TRDN: variants seen among roughly 807,000 people sequenced by gnomAD.
TRDN encodes triadin.
In TRDN, 161 loss-of-function variants were observed where a neutral mutation model predicts 149.7. The ratio of observed to expected loss-of-function variants is 1.08; its 90% CI spans 0.95 to 1.23. The LOEUF is 1.23. Ranked by LOEUF, TRDN falls within the 50% of genes most tolerant of loss-of-function variation. The probability of loss-of-function intolerance (pLI) is 0.00; values close to 1 mark genes in which losing one functional copy is unlikely to be tolerated. For synonymous variants in TRDN, 294 were observed against 250.5 expected, an observed-to-expected ratio of 1.17 and a Z score of -1.64; for missense variants, 896 against 823.5, an observed-to-expected ratio of 1.09 and a Z score of -1.08.
intron 10 of TRDN, among the ~76,000 whole-genome samples, chr6:123,447,738 A>C (rs1583042888): frequency 6.6e-6 from 1 of 151,178 alleles, no homozygotes; most frequent in African/African-American, 2.4e-5. Flanking sequence ...TGGCCACTGC[A>C]CTCTAGTCTG....
At chr6:123,388,682 C>T in intron 13 of TRDN, 131 bp from the exon 14 acceptor site, 1 of 948,166 alleles carries the variant, frequency 1.1e-6, no homozygotes, top group Non-Finnish European at 1.6e-6. Flanking sequence ...TCATCCAAAT[C>T]TATGATAGGA....
intron 24 of TRDN, among the ~76,000 whole-genome samples, chr6:123,287,322 T>G (rs1376968016): frequency 6.6e-6 from 1 of 152,146 alleles, no homozygotes; most frequent in Non-Finnish European, 1.5e-5. Flanking sequence ...AAGGTCTATA[T>G]TTAGGCAGCA....
In TRDN at chr6:123,236,169, T is replaced by C. The variant is rs146810527; in HGVS notation, c.1976-12038A>G. 2.8e-4 allele frequency among the ~76,000 whole-genome samples: 43 copies of C among 152,252 alleles called. 1 individual carries two copies. Among genetic ancestry groups the C allele is most frequent in the African/African-American group, 9.9e-4 (41 of 41,564 alleles). On this transcript the variant is annotated intron_variant, in intron 38 of 40. Coordinates refer to ENST00000334268, the MANE Select transcript of TRDN (RefSeq NM_006073.4). ...TGTTTCAAATGCTTGCCAGCACTTG[T>C]TTTTGTTTTTCCATGTTTTAAAAAG...
In TRDN at chr6:123,624,507, T is replaced by C. The variant is rs1310999000; in HGVS notation, c.22+12247A>G. On this transcript the variant is annotated intron_variant, in intron 1 of 40. Coordinates refer to ENST00000334268, the MANE Select transcript of TRDN (RefSeq NM_006073.4). ...CTGCTGACTTATTGCCTTAATCTAG[T>C]CATTACTGCTACCCTAAGTACTTTC... Among the ~76,000 whole-genome samples, 9 of 152,160 alleles carry C rather than the reference T, an allele frequency of 5.9e-5. No homozygotes were observed. In the East Asian group the frequency reaches 1.5e-3, roughly 26 times the overall value.
chr6:123,418,914 A>G (rs1162082274), intron 12 of TRDN, among the ~76,000 whole-genome samples: 4 of 152,018 alleles, frequency 2.6e-5, no homozygotes, highest in African/African-American at 4.8e-5. Flanking sequence ...CATTTTTAAA[A>G]TACAGTTGTC....
chr6:123,350,910 A>G, intron 21 of TRDN: 1 of 984,866 alleles, frequency 1.0e-6, no homozygotes, highest in Non-Finnish European at 1.2e-6. Context: ...TCCTATCTCT[A>G]AGAACCATTT....
chr6:123,380,222 T>C (rs1258587859), intron 16 of TRDN, among the ~76,000 whole-genome samples: 3 of 152,226 alleles, frequency 2.0e-5, no homozygotes, highest in Non-Finnish European at 4.4e-5. Flanking sequence ...AAGGCATGTT[T>C]ATTTATTAAG....
At chr6:123,313,932 G>A (rs1173858589) in intron 24 of TRDN, among the ~76,000 whole-genome samples, 6 of 152,030 alleles carry the variant, frequency 3.9e-5, no homozygotes, top group Non-Finnish European at 7.4e-5. Context: ...CAGGACATAG[G>A]CACTGGCAAA....
At chr6:123,630,796 T>C (rs1214223191) in intron 1 of TRDN, among the ~76,000 whole-genome samples, 2 of 152,018 alleles carry the variant, frequency 1.3e-5, no homozygotes, top group Non-Finnish European at 2.9e-5. Context: ...TTTTGTATCA[T>C]GGATGATTTG....
chr6:123,394,391 G>T (rs775674375), intron 12 of TRDN, among the ~76,000 whole-genome samples: 2 of 151,540 alleles, frequency 1.3e-5, no homozygotes, highest in African/African-American at 4.9e-5. Context: ...AAAAAATAAC[G>T]GCTCACTTCA....
At chr6:123,243,521 T>C (rs527850217) in intron 38 of TRDN, among the ~76,000 whole-genome samples, 1 of 152,046 alleles carries the variant, frequency 6.6e-6, no homozygotes, top group South Asian at 2.1e-4. Flanking sequence ...TGAAAAACAA[T>C]ACAGAGAAGT....
chr6:123,361,277 A>C (rs1260343222), intron 20 of TRDN, among the ~76,000 whole-genome samples: 1 of 152,060 alleles, frequency 6.6e-6, no homozygotes, highest in Non-Finnish European at 1.5e-5. Context: ...GCAAACTAAC[A>C]CAAGAACAGA....
At chr6:123,276,415 A>G (rs1777368322) in intron 26 of TRDN, among the ~76,000 whole-genome samples, 1 of 152,186 alleles carries the variant, frequency 6.6e-6, no homozygotes, top group Non-Finnish European at 1.5e-5. Flanking sequence ...AATTTAGCTA[A>G]GAACATTTTC....
chr6:123,278,279 C>T (rs1430290009), intron 26 of TRDN, 39 bp downstream of exon 26: 2 of 1,224,112 alleles, frequency 1.6e-6, no homozygotes, highest in South Asian at 1.5e-5. Flanking sequence ...TTATTCTAAA[C>T]ATGGAAATCA....
chr6:123,595,123 A>G (rs996930218), intron 1 of TRDN, among the ~76,000 whole-genome samples: 4 of 152,118 alleles, frequency 2.6e-5, no homozygotes, highest in Admixed American at 2.6e-4. Context: ...TGTCCTGCAA[A>G]TTATTTCTCA....
intron 1 of TRDN, among the ~76,000 whole-genome samples, chr6:123,617,027 A>G (rs899115039): frequency 2.0e-5 from 3 of 152,226 alleles, no homozygotes; most frequent in African/African-American, 7.2e-5. Context: ...GTGATCACAC[A>G]TCCTTCACCT....
intron 10 of TRDN, among the ~76,000 whole-genome samples, chr6:123,444,457 C>T (rs1437804378): frequency 1.3e-5 from 2 of 149,850 alleles, no homozygotes; most frequent in African/African-American, 5.0e-5. Flanking sequence ...ACAATCATGT[C>T]GTCTGCAAAG....
At chr6:123,587,340 C>A (rs1423468587) in intron 1 of TRDN, among the ~76,000 whole-genome samples, 1 of 152,014 alleles carries the variant, frequency 6.6e-6, no homozygotes, top group African/African-American at 2.4e-5. Context: ...TCCTTTGTCT[C>A]TACCAGAAAA....
intron 38 of TRDN, among the ~76,000 whole-genome samples, chr6:123,239,008 T>A (rs548197749): frequency 6.6e-6 from 1 of 152,138 alleles, no homozygotes; most frequent in South Asian, 2.1e-4. Context: ...GCCACGCTAA[T>A]TTTTTGTATT....
Sources: allele counts gnomAD v4.1 joint callset (sites outside exome capture counted in the v4.1 genomes callset), GRCh38; gene constraint gnomAD v4.1.1; transcripts MANE v1.5; gene names NCBI Gene and HGNC (gene_info 2026-07-23, HGNC 2026-07-21).